The following EPM2A variants were observed in gnomAD, a reference collection of about 807,000 sequenced individuals.
EPM2A encodes laforin.
A neutral mutation model predicts 26.5 loss-of-function variants in EPM2A; 21 were observed. The observed-to-expected ratio is 0.79, with a 90% CI of 0.56 to 1.14. The LOEUF (loss-of-function observed/expected upper bound fraction) is 1.14. Among genes scored for constraint, EPM2A ranks in the 50% most tolerant of loss-of-function variants. The pLI is 0.00. For synonymous variants in EPM2A, 217 were observed against 177.6 expected (o/e 1.22, Z -1.76); for missense variants, 458 against 440.8 (o/e 1.04, Z -0.35).
At chr6:145,663,558 G>C (rs964478892) in intron 2 of EPM2A, among the ~76,000 whole-genome samples, 2 of 152,120 alleles carry the variant, frequency 1.3e-5, no homozygotes, top group African/African-American at 2.4e-5. Context: ...TGAAAGTGAT[G>C]CGGAGAATAG....
intron 4 of EPM2A, among the ~76,000 whole-genome samples, chr6:145,401,066 A>G (rs1414868318): frequency 6.6e-6 from 1 of 152,184 alleles, no homozygotes; most frequent in Non-Finnish European, 1.5e-5. Flanking sequence ...TCTTAATACA[A>G]TATTGTAATA....
At chr6:145,443,029 T>C (rs987522566) in intron 4 of EPM2A, among the ~76,000 whole-genome samples, 1 of 150,358 alleles carries the variant, frequency 6.7e-6, no homozygotes, top group African/African-American at 2.5e-5. Context: ...CCCGGCTAAT[T>C]TTTGTGTGTG....
At chr6:145,391,760 A>T (rs1478609398) in intron 4 of EPM2A, among the ~76,000 whole-genome samples, 1 of 152,116 alleles carries the variant, frequency 6.6e-6, no homozygotes, top group Non-Finnish European at 1.5e-5. Flanking sequence ...GCATGAGCCC[A>T]TTGACAGCTC....
chr6:145,422,057 GTATATATA>G (rs67264730), intron 4 of EPM2A, among the ~76,000 whole-genome samples: 1 of 131,730 alleles, frequency 7.6e-6, no homozygotes, highest in Non-Finnish European at 1.6e-5. Flanking sequence ...ATATATGAGT[GTATATATA>G]TATATATATA....
intron 2 of EPM2A, among the ~76,000 whole-genome samples, chr6:145,569,326 A>C (rs1780925703): frequency 1.3e-5 from 2 of 152,234 alleles, no homozygotes; most frequent in Admixed American, 1.3e-4. Flanking sequence ...ATTACTCACG[A>C]GAGAGTACAT....
At chr6:145,632,576 A>G (rs1384089342) in intron 3 of EPM2A, among the ~76,000 whole-genome samples, 1 of 152,250 alleles carries the variant, frequency 6.6e-6, no homozygotes, top group Non-Finnish European at 1.5e-5. Flanking sequence ...CACATATGAC[A>G]AAAGCATGCA....
At chr6:145,385,943 T>C (rs1438758924) in intron 4 of EPM2A, among the ~76,000 whole-genome samples, 1 of 152,132 alleles carries the variant, frequency 6.6e-6, no homozygotes, top group African/African-American at 2.4e-5. Flanking sequence ...ATTCCTTGTG[T>C]AGTTCAGACT....
chr6:145,408,165 A>AT (rs1778594679), intron 4 of EPM2A, among the ~76,000 whole-genome samples: 1 of 152,084 alleles, frequency 6.6e-6, no homozygotes, highest in Non-Finnish European at 1.5e-5. Flanking sequence ...ACTGCACACC[A>AT]TTGGGGTTAT....
chr6:145,397,931 T>C (rs1778428292), intron 4 of EPM2A, among the ~76,000 whole-genome samples: 1 of 152,198 alleles, frequency 6.6e-6, no homozygotes, highest in Non-Finnish European at 1.5e-5. Flanking sequence ...GAACCAGGCC[T>C]GTACTGAGAT....
At chr6:145,412,214 CAA>C (rs11404849) in intron 4 of EPM2A, among the ~76,000 whole-genome samples, 45 of 114,026 alleles carry the variant, frequency 3.9e-4, no homozygotes, top group Middle Eastern at 4.6e-3. Context: ...GACTCTGTCT[CAA>C]AAAAAAAAAA....
chr6:145,468,204 C>T (rs768547495), intron 4 of EPM2A, among the ~76,000 whole-genome samples: 2 of 151,948 alleles, frequency 1.3e-5, no homozygotes, highest in Non-Finnish European at 1.5e-5. Flanking sequence ...CCCAGGGTTT[C>T]GAATTTCCTG....
At chr6:145,480,509 T>C (rs1387660841) in intron 4 of EPM2A, among the ~76,000 whole-genome samples, 1 of 152,124 alleles carries the variant, frequency 6.6e-6, no homozygotes, top group African/African-American at 2.4e-5. Flanking sequence ...TGAATATTAA[T>C]TCCCTATTAG....
intron 4 of EPM2A, chr6:145,491,966 G>A (rs749194282): frequency 4.4e-6 from 2 of 450,924 alleles, no homozygotes; most frequent in African/African-American, 2.0e-5. Flanking sequence ...TTAAAATGGT[G>A]TCTGTTGACA....
In EPM2A at chr6:145,522,887, TTTC is replaced by T. The variant is rs548469502; in HGVS notation, c.341-20315_341-20313del. Reference sequence around the variant, plus strand: ...TCTTTGCAAAGGTAGAGTCTCTACTTTTCTTTCTTCCAAGAATGCTCATCCTAT... The same window carrying T: ...TCTTTGCAAAGGTAGAGTCTCTACTTTTTCTTCCAAGAATGCTCATCCTAT... On this transcript the variant is annotated intron_variant, in intron 2 of 3. Coordinates refer to the EPM2A transcript ENST00000450221. Among the ~76,000 whole-genome samples the T allele has an allele frequency of 1.5e-3, 221 of 152,250 alleles. 4 individuals carry two copies. The highest frequency in any genetic ancestry group is 3.9e-4 in the East Asian group (2 of 5,178).
At chr6:145,670,850 A>T (rs1265477643) in intron 2 of EPM2A, 1 of 951,460 alleles carries the variant, frequency 1.1e-6, no homozygotes, top group African/African-American at 1.8e-5. Flanking sequence ...TTCAGATAGA[A>T]AAAAGGTACT....
At chr6:145,386,970 T>C (rs1418768975) in intron 4 of EPM2A, among the ~76,000 whole-genome samples, 1 of 152,150 alleles carries the variant, frequency 6.6e-6, no homozygotes, top group Non-Finnish European at 1.5e-5. Flanking sequence ...GGGCAGATAA[T>C]GTCTTTGAGC....
intron 4 of EPM2A, among the ~76,000 whole-genome samples, chr6:145,420,319 A>T (rs1230946304): frequency 1.3e-5 from 2 of 152,162 alleles, no homozygotes. Context: ...TGCTTATGAT[A>T]TTCTACAATT....
chr6:145,702,843 C>G (rs1781999112), intron 1 of EPM2A, among the ~76,000 whole-genome samples: 1 of 152,186 alleles, frequency 6.6e-6, no homozygotes, highest in Admixed American at 6.5e-5. Flanking sequence ...CCCTGCCCAA[C>G]CATGCTAGCT....
intron 2 of EPM2A, among the ~76,000 whole-genome samples, chr6:145,565,125 T>C (rs453834): frequency 0.48 from 73,212 of 151,994 alleles, 18,523 homozygotes; most frequent in African/African-American, 0.63. Context: ...CCATCTGCTT[T>C]GTGGAGTGTC....
Sources: allele counts gnomAD v4.1 joint callset (sites outside exome capture counted in the v4.1 genomes callset), GRCh38; gene constraint gnomAD v4.1.1; transcripts MANE v1.5; gene names NCBI Gene and HGNC (gene_info 2026-07-23, HGNC 2026-07-21).